The following PHF21A variants were observed in gnomAD, a reference collection of about 807,000 sequenced individuals.
PHF21A encodes the protein BHC80a.
PHF21A carries 11 observed loss-of-function variants against 82.5 expected under a neutral mutation model. That is an observed-to-expected ratio of 0.13 (90% confidence interval 0.08 to 0.22). PHF21A has a LOEUF of 0.22. Among genes scored for constraint, PHF21A ranks in the 10% least tolerant of loss-of-function variants. PHF21A has a pLI of 1.00. For synonymous variants in PHF21A, 297 were observed against 302.8 expected, an observed-to-expected ratio of 0.98 and a Z score of 0.20; for missense variants, 579 against 837.8, an observed-to-expected ratio of 0.69 and a Z score of 3.81.
intron 12 of PHF21A, 103 bp downstream of exon 12, chr11:45,950,103 T>TTTAA: frequency 1.1e-6 from 1 of 942,554 alleles, no homozygotes; most frequent in Non-Finnish European, 1.6e-6. Flanking sequence ...TCATACTCTA[T>TTTAA]TTGTGTTCCA....
chr11:46,096,269 T>C (rs1338239229), intron 1 of PHF21A, among the ~76,000 whole-genome samples: 1 of 149,224 alleles, frequency 6.7e-6, no homozygotes, highest in Non-Finnish European at 1.5e-5. Context: ...TTGTTCCTTC[T>C]ATCTTAAAAA....
rs187830597 is a variant in PHF21A at position 46,111,481 on chromosome 11, A to C, written c.-237+9454T>G. Among the ~76,000 whole-genome samples the C allele has an allele frequency of 2.0e-5, 3 of 152,240 alleles. No individual in the cohort carries two copies. The East Asian group carries it at 5.8e-4, about 29-fold the overall frequency. On this transcript the variant is annotated intron_variant, in intron 1 of 18. Transcript: ENST00000676320. ...ACATGGCAAGACTCCGTCTCAAATA[A>C]ATAAATAAATAAATAAATAAAACTA...
intron 6 of PHF21A, among the ~76,000 whole-genome samples, chr11:46,008,971 C>CTTTTTTTTT (rs368337006): frequency 1.8e-5 from 2 of 111,584 alleles, no homozygotes; most frequent in African/African-American, 7.1e-5. Flanking sequence ...TCACATTTCA[C>CTTTTTTTTT]TTTTTTTTTT....
chr11:46,093,244 A>G (rs2096948969), intron 1 of PHF21A, among the ~76,000 whole-genome samples: 1 of 152,222 alleles, frequency 6.6e-6, no homozygotes, highest in Non-Finnish European at 1.5e-5. Context: ...ACTATATGCT[A>G]TGCTCTAAAA....
chr11:46,015,363 A>G (rs2095495595), intron 6 of PHF21A, among the ~76,000 whole-genome samples: 1 of 152,206 alleles, frequency 6.6e-6, no homozygotes, highest in South Asian at 2.1e-4. Context: ...CCAAATGTCA[A>G]TTTTTGTTTT....
At chr11:45,983,434 T>C (rs1181456647) in intron 6 of PHF21A, among the ~76,000 whole-genome samples, 1 of 152,156 alleles carries the variant, frequency 6.6e-6, no homozygotes, top group East Asian at 1.9e-4. Flanking sequence ...CCTTACTCCT[T>C]GCTGTGTTCA....
rs376039512 is a variant in PHF21A at position 45,949,385 on chromosome 11, A to T, written c.1227+17T>A. On this transcript the variant is annotated intron_variant, in intron 13 of 18. Coordinates refer to ENST00000676320, the MANE Select transcript of PHF21A (RefSeq NM_001352027.3). ...AACTGGAACATGAGGGAAGGGCCAG[A>T]TGCTGGCCAGTAATACCTCTGGCTC... 121 of 1,601,448 alleles carry T rather than the reference A, an allele frequency of 7.6e-5. 1 individual carries two copies. The East Asian group carries it at 1.3e-3, about 17-fold the overall frequency.
Position 45,960,304 on chromosome 11 carries a change from A to G in PHF21A, c.996+5011T>C, listed in dbSNP as rs1338632014. On this transcript the variant is annotated intron_variant, in intron 10 of 18. Transcript: ENST00000676320. ...TGTCTTATGATTTCCTAGGTCTACC[A>G]AGAGATGAATGAATAAACACATTGT... Among the ~76,000 whole-genome samples the G allele has an allele frequency of 5.3e-5, 8 of 152,356 alleles. No homozygotes were observed. The East Asian group carries it at 1.5e-3, about 29-fold the overall frequency.
Position 45,934,050 on chromosome 11 carries a change from T to C in PHF21A, c.1964A>G (p.Asn655Ser), listed in dbSNP as rs2088130208. The C allele has an allele frequency of 1.2e-6, 2 of 1,613,500 alleles. No homozygotes were observed. Among genetic ancestry groups the C allele is most frequent in the Non-Finnish European group, 1.7e-6 (2 of 1,179,720 alleles). ...AGGGGCCGGCGTGGAGGTGGCGGCA[T>C]TGGCAGGGGGGGTGCAGTCCGGGCC... The part of the protein sequence containing the change: ...SNGPDCTPPA[N>S]AATSTPAPSP... Residue 655 changes from asparagine (N) to serine (S), a missense_variant, in exon 19 of 19, where the codon AAT becomes AGT. This residue lies in a region of PHF21A where 157 missense variants were observed against 149.4 expected (regional missense o/e 1.05). Coordinates refer to ENST00000676320, the MANE Select transcript of PHF21A (RefSeq NM_001352027.3).
chr11:46,047,428 TATGCCC>T (rs2065854643), intron 6 of PHF21A, among the ~76,000 whole-genome samples: 1 of 152,176 alleles, frequency 6.6e-6, no homozygotes, highest in South Asian at 2.1e-4. Flanking sequence ...GTCCTTATTA[TATGCCC>T]AAGAGATAGG....
chr11:46,093,010 C>T (rs1224346553), intron 1 of PHF21A, among the ~76,000 whole-genome samples: 1 of 152,174 alleles, frequency 6.6e-6, no homozygotes, highest in African/African-American at 2.4e-5. Context: ...CCTGCCTCAA[C>T]CTCCCAAAGT....
At chr11:46,029,334 T>C (rs2095817633) in intron 6 of PHF21A, among the ~76,000 whole-genome samples, 1 of 152,228 alleles carries the variant, frequency 6.6e-6, no homozygotes, top group Admixed American at 6.5e-5. Flanking sequence ...CCCAGCTAAA[T>C]AACTGTTCTG....
intron 6 of PHF21A, among the ~76,000 whole-genome samples, chr11:46,036,749 A>G (rs910650846): frequency 6.6e-6 from 1 of 152,148 alleles, no homozygotes; most frequent in Non-Finnish European, 1.5e-5. Context: ...TACCTTGTAT[A>G]TGGACATCTT....
chr11:46,070,001 A>G (rs2096637641), intron 6 of PHF21A, among the ~76,000 whole-genome samples: 2 of 152,210 alleles, frequency 1.3e-5, no homozygotes, highest in Non-Finnish European at 1.5e-5. Flanking sequence ...ACGAATATGG[A>G]AAGAGACATA....
At chr11:45,973,001 C>A (rs1026305441) in intron 7 of PHF21A, among the ~76,000 whole-genome samples, 2 of 152,154 alleles carry the variant, frequency 1.3e-5, no homozygotes, top group Non-Finnish European at 2.9e-5. Context: ...TCACTTGAAC[C>A]CGTGAGGCAG....
In PHF21A at chr11:45,933,998, C is replaced by T. The variant is rs35170501; in HGVS notation, c.2016G>A (p.Ala672=). ...APSPSSQSCT[A]NCNQGEETK Reference sequence around the variant, plus strand: ...TAGTCTCTTCCCCCTGGTTACAGTTCGCTGTGCAGCTCTGGGAGGAGGGGG... The same window carrying T: ...TAGTCTCTTCCCCCTGGTTACAGTTTGCTGTGCAGCTCTGGGAGGAGGGGG... The change falls in exon 19 of 19, where the codon GCG becomes GCA. Residue 672 remains alanine, a synonymous_variant. Transcript: ENST00000676320. 100 of 1,590,902 alleles carry T rather than the reference C, an allele frequency of 6.3e-5. No individual in the cohort carries two copies. The highest frequency in any genetic ancestry group is 7.5e-5 in the Non-Finnish European group (88 of 1,169,534).
intron 7 of PHF21A, among the ~76,000 whole-genome samples, chr11:45,979,419 A>G (rs915752153): frequency 6.6e-6 from 1 of 152,242 alleles, no homozygotes; most frequent in African/African-American, 2.4e-5. Flanking sequence ...AGGTCAAGTC[A>G]CAAACTTTTA....
At chr11:46,028,182 A>C (rs1162377693) in intron 6 of PHF21A, among the ~76,000 whole-genome samples, 3 of 152,164 alleles carry the variant, frequency 2.0e-5, no homozygotes, top group Admixed American at 6.5e-5. Flanking sequence ...TTCCTATCCC[A>C]AAAATTTCAA....
chr11:46,090,407 A>C (rs2096910483), intron 3 of PHF21A, 48 bp downstream of exon 3: 1 of 152,194 alleles, frequency 6.6e-6, no homozygotes, highest in Non-Finnish European at 1.5e-5. Context: ...CAATATAAGG[A>C]AAAGGAAGAA....
Sources: allele counts gnomAD v4.1 joint callset (sites outside exome capture counted in the v4.1 genomes callset), GRCh38; gene constraint gnomAD v4.1.1; regional missense constraint gnomAD v4.1.1; transcripts MANE v1.5; gene names NCBI Gene and HGNC (gene_info 2026-07-23, HGNC 2026-07-21).